SVEP1: variants seen among roughly 807,000 people sequenced by gnomAD.
The protein encoded by SVEP1 is sushi, von Willebrand factor type A, EGF and pentraxin domain-containing protein 1.
In SVEP1, 164 loss-of-function variants were observed where a neutral mutation model predicts 367.3. The observed-to-expected ratio is 0.45, with a 90% confidence interval of 0.39 to 0.51. SVEP1 has a LOEUF of 0.51. Among genes scored for constraint, SVEP1 ranks in the 20% least tolerant of loss-of-function variants. The pLI, the probability that SVEP1 is intolerant of heterozygous loss-of-function variation, is 0.00. For synonymous variants in SVEP1, 1,666 were observed against 1,611.6 expected, an observed-to-expected ratio of 1.03 and a Z score of -0.81; for missense variants, 4,117 against 4,425.3, an observed-to-expected ratio of 0.93 and a Z score of 1.98.
At chr9:110,448,431 A>T (rs1828640526) in intron 24 of SVEP1, among the ~76,000 whole-genome samples, 1 of 152,232 alleles carries the variant, frequency 6.6e-6, no homozygotes, top group Non-Finnish European at 1.5e-5. Context: ...TATTGACCTA[A>T]CAGTGTCTAA....
chr9:110,435,931 G>C (rs895160316), intron 28 of SVEP1, among the ~76,000 whole-genome samples: 1 of 151,990 alleles, frequency 6.6e-6, no homozygotes, highest in Non-Finnish European at 1.5e-5. Context: ...AGTGAGTTTG[G>C]GGTAAGACTG....
At chr9:110,388,679 T>C (rs1200760585) in intron 41 of SVEP1, among the ~76,000 whole-genome samples, 1 of 152,110 alleles carries the variant, frequency 6.6e-6, no homozygotes, top group Non-Finnish European at 1.5e-5. Flanking sequence ...AAAATGCTAT[T>C]GATGCTGTGC....
At chr9:110,513,171 T>G in intron 4 of SVEP1, 66 bp from the exon 5 acceptor site, 1 of 1,461,532 alleles carries the variant, frequency 6.8e-7, no homozygotes, top group Non-Finnish European at 9.1e-7. Flanking sequence ...ATCCTTTTTT[T>G]TTTTTCTTTC....
intron 16 of SVEP1, among the ~76,000 whole-genome samples, chr9:110,470,557 C>T (rs77878745): frequency 6.6e-6 from 1 of 151,614 alleles, no homozygotes; most frequent in South Asian, 2.1e-4. Context: ...CTCAGCCTCC[C>T]GAGTTGCTGG....
intron 1 of SVEP1, among the ~76,000 whole-genome samples, chr9:110,574,960 C>T (rs563986229): frequency 4.3e-4 from 66 of 152,042 alleles, no homozygotes; most frequent in Admixed American, 3.9e-3. Flanking sequence ...TTAGCCAGGA[C>T]GGTCTAGATC....
In SVEP1 at chr9:110,427,646, T is replaced by C; in HGVS notation, c.5920A>G (p.Ile1974Val). Residue 1974 changes from isoleucine to valine, a missense_variant, in exon 36 of 48, where the codon ATT becomes GTT. Physicochemically the swap from Ile to Val is conservative, Grantham distance 29. This residue lies in a region of SVEP1 where 2,174 missense variants were observed against 2,494.3 expected (regional missense o/e 0.87). Coordinates refer to ENST00000374469, the MANE Select transcript of SVEP1 (RefSeq NM_153366.4). Reference sequence around the variant, plus strand: ...CTGAAAGTGAAGTTATTCCCCGTAATGACAGCATCTTTGATGGCAGGTGGT... The same window carrying C: ...CTGAAAGTGAAGTTATTCCCCGTAACGACAGCATCTTTGATGGCAGGTGGT... Reference protein sequence around the residue: ...GEPPAIKDAVITGNNFTFRNT... With the variant: ...GEPPAIKDAVVTGNNFTFRNT... 1 of 1,613,978 alleles carries C rather than the reference T, an allele frequency of 6.2e-7. No individual in the cohort carries two copies.
At chr9:110,476,653 C>T (rs12380827) in intron 13 of SVEP1, among the ~76,000 whole-genome samples, 43,067 of 152,070 alleles carry the variant, frequency 0.28, 6,457 homozygotes, top group Admixed American at 0.33. Context: ...CCCAATCCCC[C>T]AAGCCTTCCT....
intron 40 of SVEP1, among the ~76,000 whole-genome samples, chr9:110,394,013 T>C (rs1182232092): frequency 3.9e-5 from 6 of 152,184 alleles, no homozygotes; most frequent in Non-Finnish European, 7.3e-5. Context: ...AGAATAATGG[T>C]TCTCCCAGCA....
intron 3 of SVEP1, among the ~76,000 whole-genome samples, chr9:110,527,030 G>T (rs978119271): frequency 2.0e-5 from 3 of 152,064 alleles, no homozygotes; most frequent in African/African-American, 7.2e-5. Context: ...AGGTGGAGGC[G>T]GTGGCTATGG....
At chr9:110,398,682 G>T (rs961296150) in intron 40 of SVEP1, among the ~76,000 whole-genome samples, 7 of 152,162 alleles carry the variant, frequency 4.6e-5, no homozygotes, top group Non-Finnish European at 8.8e-5. Context: ...AGTGGGAGAA[G>T]GATATGAACA....
Position 110,390,177 on chromosome 9 carries a change from ATG to A in SVEP1, c.9823-592_9823-591del, listed in dbSNP as rs376680120. ...TACATACATACTTATATAAGTATGT[ATG>A]TATATATACACTTATATAAGTATGT... On this transcript the variant is annotated intron_variant, in intron 40 of 47. Coordinates refer to ENST00000374469, the MANE Select transcript of SVEP1 (RefSeq NM_153366.4). Among the ~76,000 whole-genome samples, 60 of 74,534 alleles carry A rather than the reference ATG, an allele frequency of 8.1e-4. 3 individuals are homozygous for A. The highest frequency in any genetic ancestry group is 2.8e-3 in the African/African-American group (55 of 19,840). The allele number at this position is 74,534 out of a possible 152,430, so 48.9% of individuals were successfully genotyped here. A position where few individuals can be genotyped will look rare whatever the true frequency, so the allele number is the denominator to read the frequency against.
intron 47 of SVEP1, among the ~76,000 whole-genome samples, chr9:110,366,947 AG>A (rs1339886672): frequency 6.6e-6 from 1 of 152,238 alleles, no homozygotes; most frequent in African/African-American, 2.4e-5. Context: ...ATGTGCACAG[AG>A]GTCAGAGGAA....
At chr9:110,573,261 CT>C (rs1830587108) in intron 1 of SVEP1, among the ~76,000 whole-genome samples, 1 of 151,978 alleles carries the variant, frequency 6.6e-6, no homozygotes, top group South Asian at 2.1e-4. Flanking sequence ...CATACAAAGG[CT>C]ATTATCAGCC....
At chr9:110,528,150 G>GTATATA (rs1169936743) in intron 3 of SVEP1, among the ~76,000 whole-genome samples, 30 of 42,710 alleles carry the variant, frequency 7.0e-4, no homozygotes, top group African/African-American at 1.1e-3. Context: ...GTGTGTGTGT[G>GTATATA]TGTGTGTATA....
chr9:110,556,117 T>C (rs1248488747), intron 1 of SVEP1, among the ~76,000 whole-genome samples: 1 of 152,190 alleles, frequency 6.6e-6, no homozygotes, highest in Non-Finnish European at 1.5e-5. Context: ...ATCTGTATTG[T>C]ATCAAGCCTC....
At chr9:110,471,126 G>T (rs184619629) in intron 16 of SVEP1, among the ~76,000 whole-genome samples, 144 of 152,290 alleles carry the variant, frequency 9.5e-4, no homozygotes, top group African/African-American at 3.3e-3. Context: ...ACTGAAAGCT[G>T]TGAGGTCTAA....
chr9:110,579,618 T>G lies in SVEP1; in HGVS notation c.-75A>C. On this transcript the variant is annotated 5_prime_UTR_variant, in exon 1 of 48. Transcript: ENST00000374469. The surrounding 1 kb of genome is among the most constrained non-coding windows in gnomAD (Gnocchi z 5.3). The stretch of plus-strand genomic sequence containing the variant: ...GGGAAGAGGCGCTGGGCGGCCGGAC[T>G]CGCAGAGGGGCGTGCGCGGAGCTGG... 6.9e-7 allele frequency: 1 copy of G among 1,444,888 alleles called. No homozygotes were observed. The highest frequency in any genetic ancestry group is 2.8e-5 in the Admixed American group (1 of 35,770). 89.5% of individuals were successfully genotyped at this position (1,444,888 alleles called of 1,614,324 possible).
At chr9:110,395,545 G>T (rs1827744490) in intron 40 of SVEP1, among the ~76,000 whole-genome samples, 2 of 152,160 alleles carry the variant, frequency 1.3e-5, no homozygotes. Context: ...CCAATTAAAA[G>T]ACACAGACTG....
chr9:110,513,203 T>C, intron 4 of SVEP1, 98 bp from the exon 5 acceptor site: 1 of 1,126,096 alleles, frequency 8.9e-7, no homozygotes, highest in Non-Finnish European at 1.2e-6. Context: ...TATGCATATG[T>C]GTCAATTGCC....
Sources: allele counts gnomAD v4.1 joint callset (sites outside exome capture counted in the v4.1 genomes callset), GRCh38; gene constraint gnomAD v4.1.1; regional missense constraint gnomAD v4.1.1; non-coding constraint Gnocchi (gnomAD v3.1); transcripts MANE v1.5; gene names NCBI Gene and HGNC (gene_info 2026-07-23, HGNC 2026-07-21).